The following MSI2 variants were observed in gnomAD, a reference collection of about 807,000 sequenced individuals.
MSI2 encodes the protein RNA-binding protein Musashi homolog 2.
In MSI2, 17 loss-of-function variants were observed where a neutral mutation model predicts 45.6. That is an observed-to-expected ratio of 0.37 (90% CI 0.26 to 0.56). The LOEUF (loss-of-function observed/expected upper bound fraction) is 0.56, where lower values mean the gene tolerates loss of function less well. Among genes scored for constraint, MSI2 ranks in the 20% least tolerant of loss-of-function variants. The probability of loss-of-function intolerance (pLI) is 0.77; values close to 1 mark genes in which losing one functional copy is unlikely to be tolerated. For synonymous variants in MSI2, 156 were observed against 158.2 expected (o/e 0.99, Z 0.11); for missense variants, 293 against 444.2 (o/e 0.66, Z 3.06).
chr17:57,322,884 G>A (rs930861588), intron 5 of MSI2, among the ~76,000 whole-genome samples: 2 of 152,144 alleles, frequency 1.3e-5, no homozygotes, highest in African/African-American at 2.4e-5. Flanking sequence ...GGGGTTCCCA[G>A]GTGAAAATGA....
intron 7 of MSI2, among the ~76,000 whole-genome samples, chr17:57,577,298 T>G (rs2088076059): frequency 6.6e-6 from 1 of 152,218 alleles, no homozygotes; most frequent in African/African-American, 2.4e-5. Context: ...CGAGGGGTGA[T>G]GCCCCTTTCC....
chr17:57,558,138 G>A (rs2144227642), intron 7 of MSI2, among the ~76,000 whole-genome samples: 1 of 152,210 alleles, frequency 6.6e-6, no homozygotes, highest in South Asian at 2.1e-4. Context: ...TAAAGGCTCT[G>A]GGGGAAAAGG....
chr17:57,520,605 T>C (rs1260253656), intron 6 of MSI2, among the ~76,000 whole-genome samples: 1 of 152,194 alleles, frequency 6.6e-6, no homozygotes, highest in Non-Finnish European at 1.5e-5. Flanking sequence ...TGATAAATTT[T>C]ATTTTATATA....
the MSI2 span, among the ~76,000 whole-genome samples, chr17:57,694,108 G>A: frequency 6.6e-6 from 1 of 152,204 alleles, no homozygotes; most frequent in African/African-American, 2.4e-5. Context: ...GAGTTGAATA[G>A]TTGCAACAGA....
At chr17:57,644,065 C>A (rs191702434) in intron 10 of MSI2, among the ~76,000 whole-genome samples, 1 of 152,354 alleles carries the variant, frequency 6.6e-6, no homozygotes, top group East Asian at 1.9e-4. Flanking sequence ...CCAGCACCCC[C>A]TTCCCCAACC....
intron 7 of MSI2, among the ~76,000 whole-genome samples, chr17:57,546,695 A>G (rs1475981485): frequency 1.3e-5 from 2 of 152,154 alleles, no homozygotes; most frequent in African/African-American, 4.8e-5. Flanking sequence ...TGATCTGTCC[A>G]TGTGTTCCCT....
chr17:57,348,935 A>G (rs1372908967), intron 5 of MSI2, among the ~76,000 whole-genome samples: 1 of 152,154 alleles, frequency 6.6e-6, no homozygotes. Context: ...CGTGCCTGTT[A>G]ACTCTCCCAG....
intron 8 of MSI2, among the ~76,000 whole-genome samples, chr17:57,615,493 G>C (rs1246181213): frequency 6.6e-6 from 1 of 152,182 alleles, no homozygotes; most frequent in Non-Finnish European, 1.5e-5. Flanking sequence ...TAAGTGGTCT[G>C]TCTGTTTAAT....
rs1344134829 is a variant in MSI2, at chr17:57,280,978, C to T, written c.312+18786C>T. Among the ~76,000 whole-genome samples the T allele has an allele frequency of 3.3e-5, 5 of 152,040 alleles. No homozygotes were observed. The highest frequency in any genetic ancestry group is 6.5e-5 in the Admixed American group (1 of 15,268). On this transcript the variant is annotated intron_variant, in intron 5 of 13. Transcript: ENST00000284073. The surrounding 1 kb of genome is among the most constrained non-coding windows in gnomAD (Gnocchi z 4.2). ...GCACTCTGCAATCCAGGGGCTCTCC[C>T]GTGAGTTCTGCCCAGGCCAGGGGCC...
At chr17:57,520,945 G>A (rs533399229) in intron 6 of MSI2, among the ~76,000 whole-genome samples, 27 of 152,116 alleles carry the variant, frequency 1.8e-4, no homozygotes, top group East Asian at 1.9e-4. Context: ...AATTACAGAC[G>A]TGAGCCACTG....
intron 5 of MSI2, among the ~76,000 whole-genome samples, chr17:57,271,221 A>G (rs1908330254): frequency 6.6e-6 from 1 of 152,130 alleles, no homozygotes; most frequent in Non-Finnish European, 1.5e-5. Context: ...ATGCTAATGG[A>G]TTCTTTTTTT....
intron 6 of MSI2, among the ~76,000 whole-genome samples, chr17:57,459,837 T>G (rs1172305152): frequency 6.6e-6 from 1 of 150,918 alleles, no homozygotes; most frequent in African/African-American, 2.4e-5. Flanking sequence ...CTACAAAAAA[T>G]TAAAAAATTA....
At chr17:57,656,115 G>A (rs1220289535) in intron 11 of MSI2, among the ~76,000 whole-genome samples, 1 of 152,142 alleles carries the variant, frequency 6.6e-6, no homozygotes, top group African/African-American at 2.4e-5. Flanking sequence ...CCGTCTGAAG[G>A]ATAGTGCGGG....
At chr17:57,370,122 A>G (rs2143955071) in intron 5 of MSI2, among the ~76,000 whole-genome samples, 1 of 152,278 alleles carries the variant, frequency 6.6e-6, no homozygotes, top group South Asian at 2.1e-4. Context: ...TGATTAACTG[A>G]GTGAGTTAAT....
chr17:57,371,409 T>C (rs1409508596), intron 5 of MSI2, among the ~76,000 whole-genome samples: 1 of 151,954 alleles, frequency 6.6e-6, no homozygotes, highest in East Asian at 1.9e-4. Context: ...TTTGGAAAAC[T>C]GCAAGAACTA....
At chr17:57,641,098 CT>C (rs1910221012) in intron 10 of MSI2, among the ~76,000 whole-genome samples, 2 of 152,238 alleles carry the variant, frequency 1.3e-5, no homozygotes, top group South Asian at 4.1e-4. Flanking sequence ...TCCCCTGAGA[CT>C]CCCTGACTGC....
Position 57,628,444 on chromosome 17 carries a change from GGCACCTAGA to G in MSI2, c.727+1144_727+1152del, listed in dbSNP as rs1174972887. 3 of 152,330 alleles carry G rather than the reference GGCACCTAGA, an allele frequency of 2.0e-5. No individual in the cohort carries two copies. In the East Asian group the frequency reaches 5.8e-4, roughly 29 times the overall value. The allele number at this position is 152,330 out of a possible 1,614,324, so 9.4% of individuals were successfully genotyped here. On this transcript the variant is annotated intron_variant, in intron 10 of 13. Coordinates refer to ENST00000284073, the MANE Select transcript of MSI2 (RefSeq NM_138962.4). ...TTGGAGAGATGAGGAGGCATTTGGG[GGCACCTAGA>G]GCCGTGCTCTATGGCAGACAGATCC...
chr17:57,516,948 T>C (rs2086481800), intron 6 of MSI2, among the ~76,000 whole-genome samples: 1 of 152,238 alleles, frequency 6.6e-6, no homozygotes, highest in Non-Finnish European at 1.5e-5. Context: ...TCATATCCTT[T>C]TTATCCTCTC....
chr17:57,493,746 T>C (rs1243596593), intron 6 of MSI2, among the ~76,000 whole-genome samples: 2 of 151,960 alleles, frequency 1.3e-5, no homozygotes, highest in African/African-American at 2.4e-5. Context: ...TAAAACCTTC[T>C]TCAGCTGCCC....
Sources: allele counts gnomAD v4.1 joint callset (sites outside exome capture counted in the v4.1 genomes callset), GRCh38; gene constraint gnomAD v4.1.1; non-coding constraint Gnocchi (gnomAD v3.1); transcripts MANE v1.5; gene names NCBI Gene and HGNC (gene_info 2026-07-23, HGNC 2026-07-21).